Variants in SEC23A observed in about 807,000 individuals in gnomAD.
The protein encoded by SEC23A is protein transport protein Sec23A.
A neutral mutation model predicts 103.7 loss-of-function variants in SEC23A; 56 were observed. The ratio of observed to expected loss-of-function variants is 0.54; its 90% CI spans 0.44 to 0.67. SEC23A has a LOEUF of 0.67. Among genes scored for constraint, SEC23A ranks in the 30% least tolerant of loss-of-function variants. The pLI, the probability that SEC23A is intolerant of heterozygous loss-of-function variation, is 0.00. For synonymous variants in SEC23A, 281 were observed against 293.0 expected (o/e 0.96, Z 0.42); for missense variants, 784 against 936.4 (o/e 0.84, Z 2.12).
chr14:39,061,702 G>A (rs1886485201), intron 13 of SEC23A, 63 bp downstream of exon 13: 1 of 1,123,712 alleles, frequency 8.9e-7, no homozygotes, highest in Non-Finnish European at 1.4e-6. Context: ...TAGGAATCCA[G>A]TTTGGAAACA....
At chr14:39,076,782 C>T (rs1887042484) in intron 7 of SEC23A, among the ~76,000 whole-genome samples, 1 of 151,296 alleles carries the variant, frequency 6.6e-6, no homozygotes, top group African/African-American at 2.4e-5. Flanking sequence ...AAAAAATTAG[C>T]CGGGCAGGGT....
At chr14:39,102,928 C>T (rs1165228772) in intron 1 of SEC23A, 104 bp downstream of exon 1, 1 of 152,756 alleles carries the variant, frequency 6.5e-6, no homozygotes, top group Non-Finnish European at 1.5e-5. Flanking sequence ...GCCTCCAGCA[C>T]ACCTCGCTGG....
intron 1 of SEC23A, among the ~76,000 whole-genome samples, chr14:39,102,695 A>G (rs1263905401): frequency 6.6e-6 from 1 of 151,402 alleles, no homozygotes; most frequent in Non-Finnish European, 1.5e-5. Flanking sequence ...GGAATGAAAC[A>G]GTAAGTCCAA....
At chr14:39,039,230 A>G in intron 18 of SEC23A, 134 bp from the exon 19 acceptor site, 1 of 752,370 alleles carries the variant, frequency 1.3e-6, no homozygotes, top group Non-Finnish European at 2.2e-6. Flanking sequence ...TTAATTTTTA[A>G]AAGATTAAAC....
Position 39,067,258 on chromosome 14 carries a change from A to T in SEC23A, c.1142T>A (p.Leu381Ter). 1 of 1,613,724 alleles carries T rather than the reference A, an allele frequency of 6.2e-7. No homozygotes were observed. Among genetic ancestry groups the T allele is most frequent in the South Asian group, 1.1e-5 (1 of 91,070 alleles). ...GACTCTTTGAAAAGTTTGTTTGAAT[A>T]AGGAAGTATTGAAAGAATCACCCAT... is the stretch of plus-strand genomic sequence containing the variant. ...MVMGDSFNTS[L>*]FKQTFQRVFT... The change falls in exon 10 of 20, where the codon TTA (leucine) becomes TAA (stop). Residue 381 changes from leucine to a stop codon, truncating the protein, a stop_gained. Transcript: ENST00000307712. LOFTEE classifies it high-confidence loss of function.
At chr14:39,056,297 TG>T (rs981911884) in intron 13 of SEC23A, among the ~76,000 whole-genome samples, 1 of 152,186 alleles carries the variant, frequency 6.6e-6, no homozygotes, top group African/African-American at 2.4e-5. Context: ...TCCAGTCTCC[TG>T]ATTCCCACAA....
At chr14:39,046,329 C>T (rs765580841) in intron 15 of SEC23A, among the ~76,000 whole-genome samples, 1 of 151,954 alleles carries the variant, frequency 6.6e-6, no homozygotes, top group Admixed American at 6.6e-5. Context: ...AATGATTAGC[C>T]GGGTATGGTC....
intron 12 of SEC23A, among the ~76,000 whole-genome samples, chr14:39,062,346 C>T (rs1886506360): frequency 6.6e-6 from 1 of 152,064 alleles, no homozygotes; most frequent in Non-Finnish European, 1.5e-5. Context: ...AAAATGCTCT[C>T]CAATGAGCAT....
chr14:39,086,331 G>A (rs563137082), intron 6 of SEC23A, among the ~76,000 whole-genome samples: 1 of 152,154 alleles, frequency 6.6e-6, no homozygotes, highest in Non-Finnish European at 1.5e-5. Flanking sequence ...TACTACCTCT[G>A]ATTAGAAAGC....
intron 9 of SEC23A, among the ~76,000 whole-genome samples, chr14:39,073,590 G>A (rs1052551691): frequency 3.4e-5 from 5 of 148,218 alleles, no homozygotes; most frequent in Admixed American, 6.8e-5. Flanking sequence ...CACGGTGCCC[G>A]GCTCTGATTC....
rs1885355108 is a variant in SEC23A, at chr14:39,033,185, A to G, written c.*54T>C. On this transcript the variant is annotated 3_prime_UTR_variant, in exon 20 of 20. Coordinates refer to ENST00000307712, the MANE Select transcript of SEC23A (RefSeq NM_006364.4). Reference sequence around the variant, plus strand: ...CACAGATAAATGGAAAAAGGAAAAAATGAAATTTGAATATTATTTCATCTT... The same window carrying G: ...CACAGATAAATGGAAAAAGGAAAAAGTGAAATTTGAATATTATTTCATCTT... 1 of 1,351,810 alleles carries G rather than the reference A, an allele frequency of 7.4e-7. No individual in the cohort carries two copies. Among genetic ancestry groups the G allele is most frequent in the South Asian group, 1.2e-5 (1 of 85,448 alleles). The allele number at this position is 1,351,810 out of a possible 1,614,324, so 83.7% of individuals were successfully genotyped here.
intron 9 of SEC23A, among the ~76,000 whole-genome samples, chr14:39,072,236 A>C (rs1886864916): frequency 6.6e-6 from 1 of 152,168 alleles, no homozygotes; most frequent in Non-Finnish European, 1.5e-5. Flanking sequence ...TGTCTCAAAA[A>C]AAAAAAAGTG....
chr14:39,046,942 A>T (rs1244834947), intron 15 of SEC23A, among the ~76,000 whole-genome samples: 4 of 152,222 alleles, frequency 2.6e-5, no homozygotes, highest in Non-Finnish European at 4.4e-5. Context: ...CCAACATGTC[A>T]TTCACTGAAA....
intron 5 of SEC23A, chr14:39,087,900 T>C (rs962683680): frequency 3.9e-5 from 6 of 152,212 alleles, no homozygotes; most frequent in African/African-American, 1.4e-4. Context: ...TAAATTCTAC[T>C]TTATAAATGA....
intron 19 of SEC23A, among the ~76,000 whole-genome samples, chr14:39,036,399 C>T (rs185630130): frequency 9.3e-5 from 14 of 150,926 alleles, no homozygotes; most frequent in Admixed American, 5.3e-4. Flanking sequence ...TAGGCCCTCA[C>T]CACTGCTGCA....
At chr14:39,098,083 C>T (rs1366647407) in intron 1 of SEC23A, among the ~76,000 whole-genome samples, 2 of 149,194 alleles carry the variant, frequency 1.3e-5, no homozygotes, top group African/African-American at 5.0e-5. Flanking sequence ...AACAAGACTC[C>T]ATCTCAAAAA....
At chr14:39,077,227 CAAAAAAAAAA>C (rs57549556) in intron 7 of SEC23A, among the ~76,000 whole-genome samples, 52 of 36,480 alleles carry the variant, frequency 1.4e-3, no homozygotes, top group Middle Eastern at 0.036. Context: ...GACTCCATCT[CAAAAAAAAAA>C]AAAAAAAAAA....
intron 5 of SEC23A, 98 bp from the exon 6 acceptor site, chr14:39,087,106 C>A: frequency 1.3e-5 from 10 of 768,054 alleles, no homozygotes; most frequent in Admixed American, 1.0e-4. Context: ...ACATTAGAAA[C>A]ACAAAAATAA....
intron 1 of SEC23A, among the ~76,000 whole-genome samples, chr14:39,096,472 G>A (rs57936750): frequency 2.4e-4 from 37 of 151,982 alleles, no homozygotes; most frequent in African/African-American, 8.2e-4. Flanking sequence ...AAAGTTTGTG[G>A]TGAGCCGAGA....
Sources: gnomAD v4.1 joint callset for allele counts (sites outside exome capture counted in the v4.1 genomes callset) on GRCh38, gnomAD v4.1.1 for gene constraint, MANE v1.5 for transcripts, NCBI Gene and HGNC (gene_info 2026-07-23, HGNC 2026-07-21) for gene names.